CHST8: variants seen among roughly 807,000 people sequenced by gnomAD.
The protein encoded by CHST8 is GALNAC-4-ST1.
In CHST8, 10 loss-of-function variants were observed where a neutral mutation model predicts 15.0. The observed-to-expected ratio is 0.67, with a 90% confidence interval of 0.41 to 1.13. The LOEUF (loss-of-function observed/expected upper bound fraction) is 1.13. Among genes scored for constraint, CHST8 ranks in the 50% most tolerant of loss-of-function variants. The pLI is 0.00. For synonymous variants in CHST8, 259 were observed against 256.6 expected, an observed-to-expected ratio of 1.01 and a Z score of -0.09; for missense variants, 634 against 608.2, an observed-to-expected ratio of 1.04 and a Z score of -0.45.
chr19:33,716,108 C>A (rs1213663401), intron 3 of CHST8, among the ~76,000 whole-genome samples: 1 of 152,202 alleles, frequency 6.6e-6, no homozygotes, highest in Non-Finnish European at 1.5e-5. Context: ...CATATCGAGA[C>A]GGATTTTTTT....
chr19:33,768,574 A>G (rs1458806116), intron 3 of CHST8, among the ~76,000 whole-genome samples: 5 of 151,894 alleles, frequency 3.3e-5, no homozygotes, highest in Admixed American at 2.0e-4. Flanking sequence ...GTCTCAGCCT[A>G]CTGAGTAGCT....
intron 2 of CHST8, among the ~76,000 whole-genome samples, chr19:33,671,573 A>C (rs1333036508): frequency 6.6e-6 from 1 of 152,066 alleles, no homozygotes; most frequent in Non-Finnish European, 1.5e-5. Context: ...CTCCAGACAC[A>C]CTGGGTGTCA....
At chr19:33,759,144 C>T (rs1170727374) in intron 3 of CHST8, among the ~76,000 whole-genome samples, 1 of 152,200 alleles carries the variant, frequency 6.6e-6, no homozygotes, top group African/African-American at 2.4e-5. Flanking sequence ...GGACCCACCC[C>T]CAACACTGGG....
intron 1 of CHST8, among the ~76,000 whole-genome samples, chr19:33,660,652 A>G (rs1414203009): frequency 6.6e-6 from 1 of 152,216 alleles, no homozygotes; most frequent in African/African-American, 2.4e-5. Flanking sequence ...CTTTCACATC[A>G]GCAACCCGGA....
intron 2 of CHST8, among the ~76,000 whole-genome samples, chr19:33,669,629 A>C (rs1260374997): frequency 6.6e-6 from 1 of 152,192 alleles, no homozygotes; most frequent in African/African-American, 2.4e-5. Context: ...GGAGGAGACA[A>C]ATCCTCACCT....
At chr19:33,670,112 A>G (rs1393467634) in intron 2 of CHST8, among the ~76,000 whole-genome samples, 1 of 152,198 alleles carries the variant, frequency 6.6e-6, no homozygotes, top group Non-Finnish European at 1.5e-5. Flanking sequence ...AGCTTCTAGT[A>G]TTTCGCCAAG....
rs745414562 is a variant in CHST8 at position 33,772,154 on chromosome 19, G to A, written c.366G>A (p.Ala122=). The change falls in exon 5 of 5, where the codon GCG becomes GCA. Residue 122 remains alanine, a synonymous_variant. Coordinates refer to ENST00000650847, the MANE Select transcript of CHST8 (RefSeq NM_001127895.2). ...RRLLIKKMPA[A]ATIPANSSDA... ...TGCTCATCAAGAAAATGCCAGCTGC[G>A]GCGACCATCCCGGCCAACAGCTCGG... 12 of 1,604,096 alleles carry A rather than the reference G, an allele frequency of 7.5e-6. No individual in the cohort carries two copies. The highest frequency in any genetic ancestry group is 6.8e-5 in the Admixed American group (4 of 58,948).
At chr19:33,753,587 T>TC (rs1383801631) in intron 3 of CHST8, among the ~76,000 whole-genome samples, 11 of 7,838 alleles carry the variant, frequency 1.4e-3, no homozygotes, top group East Asian at 5.3e-3. Flanking sequence ...CCCCCCTCCA[T>TC]CTCCCACCAT....
Position 33,718,283 on chromosome 19 carries a change from A to G in CHST8, c.130+28892A>G, listed in dbSNP as rs535395978. 2.0e-5 allele frequency among the ~76,000 whole-genome samples: 3 copies of G among 150,108 alleles called. No homozygotes were observed. In the South Asian group the frequency reaches 6.3e-4, roughly 32 times the overall value. On this transcript the variant is annotated intron_variant, in intron 3 of 4. Coordinates refer to ENST00000650847, the MANE Select transcript of CHST8 (RefSeq NM_001127895.2). ...GCCCAGGCTGGACTACAGTGGCCCA[A>G]TCATAGCTCACTGCTGCTTTGAACT...
At chr19:33,736,269 G>A (rs917624467) in intron 3 of CHST8, among the ~76,000 whole-genome samples, 4 of 152,174 alleles carry the variant, frequency 2.6e-5, no homozygotes, top group South Asian at 2.1e-4. Flanking sequence ...AACTGATCAC[G>A]CCAGATTCTA....
intron 2 of CHST8, among the ~76,000 whole-genome samples, chr19:33,683,942 A>G (rs1972931797): frequency 2.0e-5 from 3 of 152,224 alleles, no homozygotes; most frequent in African/African-American, 4.8e-5. Flanking sequence ...CTTTACATGC[A>G]GAATGACTGT....
intron 1 of CHST8, among the ~76,000 whole-genome samples, chr19:33,625,300 C>T (rs1449054625): frequency 2.1e-5 from 3 of 144,756 alleles, no homozygotes; most frequent in Admixed American, 1.4e-4. Flanking sequence ...CCAGGATGGT[C>T]TCGATCTCCT....
intron 3 of CHST8, among the ~76,000 whole-genome samples, chr19:33,704,482 G>C (rs1362880551): frequency 1.3e-5 from 2 of 152,208 alleles, no homozygotes; most frequent in Non-Finnish European, 2.9e-5. Flanking sequence ...AGGGGATGGG[G>C]TGAGGGGGAA....
intron 3 of CHST8, among the ~76,000 whole-genome samples, chr19:33,702,942 C>A (rs1973372204): frequency 6.6e-6 from 1 of 152,228 alleles, no homozygotes; most frequent in South Asian, 2.1e-4. Context: ...AGGCTGGGGG[C>A]TGGGGAGGGA....
rs183324017 is a variant in CHST8 at position 33,726,489 on chromosome 19, G to T, written c.130+37098G>T. ...GGAGATAGAGGCTGCTGGAAGTCCT[G>T]GTTGCACCACTGTCCTCCAGCCTGG... is the stretch of plus-strand genomic sequence containing the variant. On this transcript the variant is annotated intron_variant, in intron 3 of 4. Coordinates refer to ENST00000650847, the MANE Select transcript of CHST8 (RefSeq NM_001127895.2). Among the ~76,000 whole-genome samples the T allele has an allele frequency of 8.8e-4, 134 of 152,242 alleles. 1 individual carries two copies. Among genetic ancestry groups the T allele is most frequent in the African/African-American group, 2.9e-3 (120 of 41,540 alleles).
intron 3 of CHST8, among the ~76,000 whole-genome samples, chr19:33,758,461 G>A (rs1365825049): frequency 6.6e-6 from 1 of 152,232 alleles, no homozygotes; most frequent in Non-Finnish European, 1.5e-5. Flanking sequence ...AGAGCGGCCT[G>A]CAGTGGGGGT....
intron 4 of CHST8, among the ~76,000 whole-genome samples, 162 bp downstream of exon 4, chr19:33,771,612 C>T (rs900255818): frequency 2.0e-5 from 3 of 152,158 alleles, no homozygotes; most frequent in Non-Finnish European, 4.4e-5. Flanking sequence ...GCTCTGGACC[C>T]ATGAATTTTC....
At chr19:33,700,637 C>T (rs1414028574) in intron 3 of CHST8, among the ~76,000 whole-genome samples, 1 of 152,160 alleles carries the variant, frequency 6.6e-6, no homozygotes, top group African/African-American at 2.4e-5. Context: ...CTCTGGAAGT[C>T]CTGCCCTCCT....
chr19:33,680,800 C>G lies in CHST8; in HGVS notation c.-86-8376C>G, dbSNP rs144235753. Among the ~76,000 whole-genome samples, 478 of 152,284 alleles carry G rather than the reference C, an allele frequency of 3.1e-3. 2 individuals are homozygous for G. Among genetic ancestry groups the G allele is most frequent in the Middle Eastern group, 0.014 (4 of 294 alleles). On this transcript the variant is annotated intron_variant, in intron 2 of 4. Coordinates refer to ENST00000650847, the MANE Select transcript of CHST8 (RefSeq NM_001127895.2). ...AGCTGATCCATGGAAATGACTATCTCTTATTTACGTGCACAACATTAGAAT... is the reference window on the plus strand; with the variant it reads ...AGCTGATCCATGGAAATGACTATCTGTTATTTACGTGCACAACATTAGAAT...
Sources: allele counts gnomAD v4.1 joint callset (sites outside exome capture counted in the v4.1 genomes callset), GRCh38; gene constraint gnomAD v4.1.1; transcripts MANE v1.5; gene names NCBI Gene and HGNC (gene_info 2026-07-23, HGNC 2026-07-21).